The following GULP1 variants were observed in gnomAD, a reference collection of about 807,000 sequenced individuals.
The protein encoded by GULP1 is GULP PTB domain containing engulfment adaptor 1, also known as PTB domain-containing engulfment adapter protein 1.
A neutral mutation model predicts 40.9 loss-of-function variants in GULP1; 19 were observed. The ratio of observed to expected loss-of-function variants is 0.46; its 90% CI spans 0.32 to 0.68. The LOEUF is 0.68. GULP1 is among the 30% of genes least tolerant of loss of function. The pLI, the probability that GULP1 is intolerant of heterozygous loss-of-function variation, is 0.03. For synonymous variants in GULP1, 119 were observed against 117.6 expected, an observed-to-expected ratio of 1.01 and a Z score of -0.08; for missense variants, 312 against 362.2, an observed-to-expected ratio of 0.86 and a Z score of 1.12.
chr2:188,591,522 T>G (rs1268631168), intron 11 of GULP1: 2 of 151,932 alleles, frequency 1.3e-5, no homozygotes, highest in Non-Finnish European at 2.9e-5. Context: ...CTGAACGATT[T>G]TTTTTCAAAT....
intron 2 of GULP1, among the ~76,000 whole-genome samples, chr2:188,451,848 G>A (rs1051773578): frequency 2.6e-5 from 4 of 151,944 alleles, no homozygotes; most frequent in African/African-American, 7.2e-5. Context: ...TTATGTATGT[G>A]AGAAATATAT....
At chr2:188,535,194 A>C (rs1688610213) in intron 6 of GULP1, among the ~76,000 whole-genome samples, 1 of 151,954 alleles carries the variant, frequency 6.6e-6, no homozygotes, top group Non-Finnish European at 1.5e-5. Context: ...TAATAATTTC[A>C]ACTTTCATTT....
Position 188,464,003 on chromosome 2 carries a change from G to T in GULP1, c.-44-13656G>T, listed in dbSNP as rs536482258. ...AGGTCACATATCTCTGTTTCTCCAG[G>T]ATTGTTCCCTGATGTCTTATTTAGT... On this transcript the variant is annotated intron_variant, in intron 2 of 11. Transcript: ENST00000409830. 1.4e-4 allele frequency among the ~76,000 whole-genome samples: 21 copies of T among 151,950 alleles called. No homozygotes were observed. The South Asian group carries it at 4.0e-3, about 29-fold the overall frequency.
chr2:188,401,229 A>T (rs1045370821), intron 2 of GULP1, among the ~76,000 whole-genome samples: 13 of 152,134 alleles, frequency 8.5e-5, no homozygotes, highest in Non-Finnish European at 4.4e-5. Context: ...TATAGAAATA[A>T]TTTTTAATAG....
chr2:188,537,723 TCTC>T (rs1689302689), intron 6 of GULP1, among the ~76,000 whole-genome samples: 1 of 152,070 alleles, frequency 6.6e-6, no homozygotes, highest in African/African-American at 2.4e-5. Flanking sequence ...AGAGGTTCCT[TCTC>T]CTCAGTTTTT....
chr2:188,554,329 A>T (rs2153384938), intron 7 of GULP1, among the ~76,000 whole-genome samples: 1 of 151,900 alleles, frequency 6.6e-6, no homozygotes, highest in African/African-American at 2.4e-5. Flanking sequence ...TGTGTCTCAC[A>T]GGTTTTAGTT....
intron 2 of GULP1, among the ~76,000 whole-genome samples, chr2:188,398,995 C>T (rs2051698551): frequency 6.6e-6 from 1 of 152,156 alleles, no homozygotes; most frequent in Admixed American, 6.5e-5. Flanking sequence ...GGTAGCCTGA[C>T]AATCTAAACT....
At chr2:188,552,639 C>A (rs1693754398) in intron 7 of GULP1, among the ~76,000 whole-genome samples, 1 of 151,602 alleles carries the variant, frequency 6.6e-6, no homozygotes, top group Non-Finnish European at 1.5e-5. Context: ...TTTGCCGTTT[C>A]TTATTCTGTG....
At chr2:188,370,807 A>T (rs2047500268) in intron 1 of GULP1, among the ~76,000 whole-genome samples, 1 of 152,030 alleles carries the variant, frequency 6.6e-6, no homozygotes, top group South Asian at 2.1e-4. Context: ...TTGAGGGGGG[A>T]TTGTCTTTAA....
chr2:188,386,870 G>A (rs758002050), intron 2 of GULP1, among the ~76,000 whole-genome samples: 6 of 152,156 alleles, frequency 3.9e-5, no homozygotes, highest in Admixed American at 2.0e-4. Context: ...AATTTTGGTT[G>A]CAGGCAGTAG....
At chr2:188,509,575 A>G (rs549180021) in intron 4 of GULP1, among the ~76,000 whole-genome samples, 237 of 152,228 alleles carry the variant, frequency 1.6e-3, no homozygotes, top group Non-Finnish European at 2.8e-3. Flanking sequence ...AAAAATGAGG[A>G]CAGGAGTTTG....
At chr2:188,480,275 C>T (rs1345465918) in intron 3 of GULP1, among the ~76,000 whole-genome samples, 2 of 151,978 alleles carry the variant, frequency 1.3e-5, no homozygotes, top group Non-Finnish European at 2.9e-5. Context: ...TCCAAAACTA[C>T]CATCAACATA....
At chr2:188,468,012 C>T (rs941522526) in intron 2 of GULP1, among the ~76,000 whole-genome samples, 7 of 152,254 alleles carry the variant, frequency 4.6e-5, no homozygotes, top group Non-Finnish European at 8.8e-5. Flanking sequence ...ATTTATCTTT[C>T]ATATTTGGTA....
At chr2:188,466,976 GA>G (rs369975555) in intron 2 of GULP1, among the ~76,000 whole-genome samples, 1,737 of 147,966 alleles carry the variant, frequency 0.012, 44 homozygotes, top group African/African-American at 0.039. Flanking sequence ...CAGTTAAGAA[GA>G]AAAAAAAAAG....
chr2:188,360,423 AACT>A (rs893692268), intron 1 of GULP1, among the ~76,000 whole-genome samples: 31 of 152,044 alleles, frequency 2.0e-4, no homozygotes, highest in African/African-American at 7.3e-4. Context: ...AATGGCTGAA[AACT>A]ACTAGAAGTA....
chr2:188,353,858 G>T (rs748755138), intron 1 of GULP1, among the ~76,000 whole-genome samples: 6 of 151,890 alleles, frequency 4.0e-5, no homozygotes, highest in South Asian at 4.2e-4. Flanking sequence ...GACCAATGAA[G>T]TTAGTTACAT....
chr2:188,442,381 C>T (rs10182520), intron 2 of GULP1, among the ~76,000 whole-genome samples: 3,318 of 152,112 alleles, frequency 0.022, 129 homozygotes, highest in African/African-American at 0.076. Flanking sequence ...ACATTCTGAG[C>T]AGTTTACAAA....
chr2:188,554,305 A>G (rs754562823), intron 7 of GULP1, among the ~76,000 whole-genome samples: 12 of 151,940 alleles, frequency 7.9e-5, no homozygotes, highest in Admixed American at 2.0e-4. Context: ...CGTTCCTCTT[A>G]GCACTGCTTT....
Position 188,435,668 on chromosome 2 carries a change from A to ATTCTCATC in GULP1, c.-44-41989_-44-41982dup, listed in dbSNP as rs1371322807. Among the ~76,000 whole-genome samples, 3 of 152,044 alleles carry ATTCTCATC rather than the reference A, an allele frequency of 2.0e-5. No individual in the cohort carries two copies. The East Asian group carries it at 5.8e-4, about 29-fold the overall frequency. On this transcript the variant is annotated intron_variant, in intron 2 of 11. Coordinates refer to ENST00000409830, the MANE Select transcript of GULP1 (RefSeq NM_016315.4). The stretch of plus-strand genomic sequence containing the variant: ...GAAATAAAGGAGTTTTCTGGGCTGT[A>ATTCTCATC]TTCTCATCTGTGGACTCTACTAGAG...
Sources: gnomAD v4.1 joint callset for allele counts (sites outside exome capture counted in the v4.1 genomes callset) on GRCh38, gnomAD v4.1.1 for gene constraint, MANE v1.5 for transcripts, NCBI Gene and HGNC (gene_info 2026-07-23, HGNC 2026-07-21) for gene names.